MCUB: variants seen among roughly 807,000 people sequenced by gnomAD.
MCUB encodes mitochondrial calcium uniporter dominant negative subunit beta.
Under a neutral mutation model 41.4 loss-of-function variants are expected in MCUB, and 46 were observed. The ratio of observed to expected loss-of-function variants is 1.11; its 90% CI spans 0.88 to 1.42. MCUB has a LOEUF of 1.42. MCUB is among the 40% of genes most tolerant of loss of function. The pLI, the probability that MCUB is intolerant of heterozygous loss-of-function variation, is 0.00. For missense variants in MCUB, 403 were observed against 404.9 expected (o/e 1.00, Z 0.04); for synonymous variants, 148 against 148.2 (o/e 1.00, Z 0.01).
intron 1 of MCUB, among the ~76,000 whole-genome samples, chr4:109,649,939 C>A (rs1579083039): frequency 6.6e-6 from 1 of 152,056 alleles, no homozygotes; most frequent in South Asian, 2.1e-4. Context: ...AGAAGTGGGG[C>A]CTGATTTGGG....
At chr4:109,578,506 T>G (rs987390544) in intron 1 of MCUB, among the ~76,000 whole-genome samples, 1 of 151,776 alleles carries the variant, frequency 6.6e-6, no homozygotes, top group Non-Finnish European at 1.5e-5. Context: ...TTTTTTTTTT[T>G]GAAACAGATT....
intron 1 of MCUB, among the ~76,000 whole-genome samples, chr4:109,564,393 C>T (rs925176376): frequency 9.9e-5 from 15 of 152,138 alleles, no homozygotes; most frequent in Admixed American, 2.6e-4. Flanking sequence ...CCACCTTGGC[C>T]TCCCAAAGTG....
intron 1 of MCUB, among the ~76,000 whole-genome samples, chr4:109,590,732 G>T (rs1579053520): frequency 6.6e-6 from 1 of 152,232 alleles, no homozygotes; most frequent in East Asian, 1.9e-4. Flanking sequence ...AGAAGATGAG[G>T]ATTTAGCTCT....
intron 1 of MCUB, among the ~76,000 whole-genome samples, chr4:109,650,703 C>T (rs1185523844): frequency 6.6e-6 from 1 of 152,164 alleles, no homozygotes; most frequent in African/African-American, 2.4e-5. Flanking sequence ...TACATAACCA[C>T]CATCTAATTT....
intron 1 of MCUB, among the ~76,000 whole-genome samples, chr4:109,610,366 C>T (rs951141060): frequency 2.6e-5 from 4 of 152,236 alleles, no homozygotes; most frequent in South Asian, 2.1e-4. Flanking sequence ...GGGGAGGATC[C>T]GTGGCAGCTT....
chr4:109,572,693 C>CACTTG (rs10643067), intron 1 of MCUB, among the ~76,000 whole-genome samples: 41,496 of 151,600 alleles, frequency 0.27, 8,604 homozygotes, highest in African/African-American at 0.59. Flanking sequence ...TTAATTACGT[C>CACTTG]ACTTATATAC....
chr4:109,608,382 A>G (rs1727926785), intron 1 of MCUB, among the ~76,000 whole-genome samples: 1 of 151,890 alleles, frequency 6.6e-6, no homozygotes, highest in Non-Finnish European at 1.5e-5. Context: ...TTTCTTCAGG[A>G]TTTGTCTCTG....
intron 4 of MCUB, among the ~76,000 whole-genome samples, chr4:109,680,466 T>A (rs1233402922): frequency 6.6e-6 from 1 of 152,144 alleles, no homozygotes; most frequent in Non-Finnish European, 1.5e-5. Context: ...TTGCAATAGT[T>A]ATTAATAAAA....
chr4:109,571,186 G>A (rs1215529128), intron 1 of MCUB, among the ~76,000 whole-genome samples: 3 of 152,128 alleles, frequency 2.0e-5, no homozygotes, highest in African/African-American at 7.2e-5. Context: ...AACTTAGTGT[G>A]TGTATGTTTT....
intron 4 of MCUB, chr4:109,673,925 C>T: frequency 1.3e-6 from 1 of 780,830 alleles, no homozygotes; most frequent in Non-Finnish European, 2.4e-6. Flanking sequence ...AAAGAGGCAC[C>T]ATTCGTACCC....
intron 1 of MCUB, among the ~76,000 whole-genome samples, chr4:109,645,622 C>A (rs1167538261): frequency 6.6e-6 from 1 of 152,182 alleles, no homozygotes; most frequent in East Asian, 1.9e-4. Flanking sequence ...ACATTCTGAA[C>A]CCATCACAGT....
intron 1 of MCUB, among the ~76,000 whole-genome samples, chr4:109,599,677 A>AT (rs67976758): frequency 5.1e-4 from 72 of 142,284 alleles, no homozygotes; most frequent in Middle Eastern, 3.5e-3. Flanking sequence ...ATATTTATTT[A>AT]TTTATTTTTT....
At chr4:109,649,676 G>C (rs1386492922) in intron 1 of MCUB, among the ~76,000 whole-genome samples, 1 of 151,662 alleles carries the variant, frequency 6.6e-6, no homozygotes, top group Non-Finnish European at 1.5e-5. Flanking sequence ...CTGGGGTTCT[G>C]TAGTTTCATC....
chr4:109,646,028 C>A (rs1561239129), intron 1 of MCUB, among the ~76,000 whole-genome samples: 1 of 152,108 alleles, frequency 6.6e-6, no homozygotes, highest in Non-Finnish European at 1.5e-5. Context: ...ACATAGCCTT[C>A]CAGCTACTGC....
intron 1 of MCUB, among the ~76,000 whole-genome samples, chr4:109,646,991 C>T (rs781557107): frequency 5.9e-5 from 9 of 152,100 alleles, no homozygotes; most frequent in South Asian, 2.1e-4. Context: ...GCATGTGGGG[C>T]GAAGCGAGTA....
rs778467992 is a variant in MCUB, at chr4:109,685,399, G to A, written c.933+32G>A. On this transcript the variant is annotated intron_variant, in intron 7 of 7. Coordinates refer to ENST00000394650, the MANE Select transcript of MCUB (RefSeq NM_017918.5). ...TACAAATACATCTTATAGCTGGTTT[G>A]TTTGGGAGCCAGAACTTAGTATCAG... The A allele has an allele frequency of 7.5e-6, 7 of 933,496 alleles. No homozygotes were observed. In the Admixed American group the frequency reaches 1.1e-4, roughly 14 times the overall value. The allele number at this position is 933,496 out of a possible 1,614,324, so 57.8% of individuals were successfully genotyped here.
Position 109,667,744 on chromosome 4 carries a change from T to G in MCUB, c.451+3350T>G, listed in dbSNP as rs576772381. 1.1e-4 allele frequency among the ~76,000 whole-genome samples: 17 copies of G among 151,492 alleles called. 1 individual carries two copies. The highest frequency in any genetic ancestry group is 1.0e-3 in the South Asian group (5 of 4,800). On this transcript the variant is annotated intron_variant, in intron 4 of 7. Coordinates refer to ENST00000394650, the MANE Select transcript of MCUB (RefSeq NM_017918.5). ...TTCTCTAGTTTCTTAAAGTATAAGT[T>G]CAGATCTTATAGATGTTTATTCTTT... is the stretch of plus-strand genomic sequence containing the variant.
chr4:109,658,014 G>A (rs1469497782), intron 1 of MCUB, among the ~76,000 whole-genome samples: 2 of 152,218 alleles, frequency 1.3e-5, no homozygotes, highest in African/African-American at 2.4e-5. Flanking sequence ...GTTTATAGGA[G>A]ACAGGGTCTC....
intron 1 of MCUB, among the ~76,000 whole-genome samples, chr4:109,630,936 A>G (rs1328279048): frequency 1.3e-5 from 2 of 152,114 alleles, no homozygotes; most frequent in Admixed American, 6.5e-5. Flanking sequence ...TGGACTTCCT[A>G]TTATACAAGC....
Sources: allele counts gnomAD v4.1 joint callset (sites outside exome capture counted in the v4.1 genomes callset), GRCh38; gene constraint gnomAD v4.1.1; transcripts MANE v1.5; gene names NCBI Gene and HGNC (gene_info 2026-07-23, HGNC 2026-07-21).